Variants in ZNF334 observed in about 807,000 individuals in gnomAD.
The protein encoded by ZNF334 is zinc finger protein 334.
A neutral mutation model predicts 12.4 loss-of-function variants in ZNF334; 14 were observed. That is an observed-to-expected ratio of 1.13 (90% CI 0.74 to 1.76). ZNF334 has a LOEUF of 1.76. Among genes scored for constraint, ZNF334 ranks in the 40% most tolerant of loss-of-function variants. The pLI is 0.00. For synonymous variants in ZNF334, 273 were observed against 269.6 expected, an observed-to-expected ratio of 1.01 and a Z score of -0.12; for missense variants, 797 against 804.5, an observed-to-expected ratio of 0.99 and a Z score of 0.11.
At chr20:46,480,220 G>T in the ZNF334 span, among the ~76,000 whole-genome samples, 1 of 152,068 alleles carries the variant, frequency 6.6e-6, no homozygotes, top group Admixed American at 6.5e-5. Context: ...TCACACATTT[G>T]CCAAGTAAGG....
At chr20:46,505,582 G>C (rs1018212190) in intron 2 of ZNF334, 1 of 153,772 alleles carries the variant, frequency 6.5e-6, no homozygotes, top group Non-Finnish European at 1.5e-5. Context: ...AAGGACTGGA[G>C]ATTTGTGACC....
At chr20:46,473,859 C>T in the ZNF334 span, among the ~76,000 whole-genome samples, 3 of 152,128 alleles carry the variant, frequency 2.0e-5, no homozygotes, top group African/African-American at 4.8e-5. Context: ...CTGCACTTGA[C>T]AGGGTAGGGG....
chr20:46,504,199 T>C lies in ZNF334; in HGVS notation c.241+15A>G. ...ATTTCCATTGGTTCCACCTGCTCAG[T>C]TATCATTTACTTACCTGGGTAGTTC... On this transcript the variant is annotated intron_variant, in intron 4 of 4. Coordinates refer to ENST00000692313, the MANE Select transcript of ZNF334 (RefSeq NM_001353824.2). 6.3e-7 allele frequency: 1 copy of C among 1,577,360 alleles called. No individual in the cohort carries two copies. The highest frequency in any genetic ancestry group is 8.7e-7 in the Non-Finnish European group (1 of 1,153,384).
chr20:46,487,255 A>G, the ZNF334 span, among the ~76,000 whole-genome samples: 2 of 152,194 alleles, frequency 1.3e-5, no homozygotes, highest in East Asian at 3.9e-4. Context: ...TAATCTGTCT[A>G]TATTTGTATA....
chr20:46,495,362 G>T (rs1568841176), downstream of ZNF334, among the ~76,000 whole-genome samples: 3 of 150,828 alleles, frequency 2.0e-5, no homozygotes, highest in Admixed American at 2.0e-4. Context: ...TACTAGATTA[G>T]GGTGGGTCCT....
chr20:46,507,205 G>A (rs2061463747), intron 2 of ZNF334, among the ~76,000 whole-genome samples: 1 of 151,474 alleles, frequency 6.6e-6, no homozygotes, highest in Non-Finnish European at 1.5e-5. Context: ...TGAAGGGAGG[G>A]AGGAAAGACA....
the ZNF334 span, among the ~76,000 whole-genome samples, chr20:46,477,818 T>C: frequency 6.6e-6 from 1 of 152,194 alleles, no homozygotes; most frequent in South Asian, 2.1e-4. Flanking sequence ...AATGAGATCA[T>C]GAATATGGAC....
chr20:46,502,657 T>A lies in ZNF334; in HGVS notation c.682A>T (p.Lys228Ter), dbSNP rs1180716804. 1 of 1,612,700 alleles carries A rather than the reference T, an allele frequency of 6.2e-7. No individual in the cohort carries two copies. Among genetic ancestry groups the A allele is most frequent in the African/African-American group, 1.3e-5 (1 of 75,050 alleles). Residue 228 changes from lysine to a stop codon, truncating the protein, a stop_gained, in exon 5 of 5, where the codon AAG becomes TAG. Transcript: ENST00000692313. LOFTEE classifies it low-confidence loss of function (END_TRUNC). ...FFKRAILITQ[K>*]GRQTERKPNE... ...GGTTTCCTTTCAGTCTGTCTCCCCT[T>A]TTGTGTAATGAGAATTGCCCTCTTG... is the stretch of plus-strand genomic sequence containing the variant.
downstream of ZNF334, among the ~76,000 whole-genome samples, chr20:46,494,718 A>C (rs1217107333): frequency 1.3e-5 from 2 of 152,212 alleles, no homozygotes; most frequent in Non-Finnish European, 2.9e-5. Context: ...ATACACGAAG[A>C]CTTTCCAACA....
downstream of ZNF334, among the ~76,000 whole-genome samples, chr20:46,495,959 G>A (rs940955406): frequency 5.3e-5 from 8 of 152,122 alleles, no homozygotes; most frequent in African/African-American, 1.9e-4. Context: ...GATACCCCTG[G>A]GAAGGTCTGG....
At chr20:46,476,809 A>C in the ZNF334 span, among the ~76,000 whole-genome samples, 2 of 126,460 alleles carry the variant, frequency 1.6e-5, no homozygotes, top group Non-Finnish European at 3.5e-5. Flanking sequence ...CCTTTCCATA[A>C]GTTATAATGA....
At chr20:46,487,501 G>C in the ZNF334 span, among the ~76,000 whole-genome samples, 22 of 152,250 alleles carry the variant, frequency 1.4e-4, 1 homozygote, top group African/African-American at 4.6e-4. Flanking sequence ...TGGTTTTCTA[G>C]TTATCCATCA....
Position 46,502,332 on chromosome 20 carries a change from A to G in ZNF334, c.1007T>C (p.Leu336Pro). The G allele has an allele frequency of 6.2e-7, 1 of 1,614,122 alleles. No homozygotes were observed. Among genetic ancestry groups the G allele is most frequent in the Non-Finnish European group, 8.5e-7 (1 of 1,179,998 alleles). The change falls in exon 5 of 5, where the codon CTG becomes CCG. Residue 336 changes from leucine to proline, a missense_variant. Leu to Pro is a moderately conservative substitution (Grantham distance 98). Transcript: ENST00000692313. The stretch of plus-strand genomic sequence containing the variant: ...TGTGTGTGACCTGAAATGTTCAGCC[A>G]GGGCTGACTTCCGAAAAAAGGTCTT... Reference protein sequence around the residue: ...CGKTFFRKSALAEHFRSHTGE... With the variant: ...CGKTFFRKSAPAEHFRSHTGE...
rs771186914 is a variant in ZNF334 at position 46,501,821 on chromosome 20, C to T, written c.1518G>A (p.Gln506=). 6.2e-7 allele frequency: 1 copy of T among 1,613,952 alleles called. No homozygotes were observed. The highest frequency in any genetic ancestry group is 8.5e-7 in the Non-Finnish European group (1 of 1,179,980). ...RISIVKSNCS[Q]CKRMNTKENL... is the part of the protein sequence containing the mutation. Reference sequence around the variant, plus strand: ...TCTCCTTTGTGTTCATTCTCTTACACTGACTGCAGTTTGACTTCACAATGG... The same window carrying T: ...TCTCCTTTGTGTTCATTCTCTTACATTGACTGCAGTTTGACTTCACAATGG... The change falls in exon 5 of 5, where the codon CAG becomes CAA. Residue 506 remains glutamine, a synonymous_variant. Coordinates refer to ENST00000692313, the MANE Select transcript of ZNF334 (RefSeq NM_001353824.2).
At chr20:46,480,087 C>G in the ZNF334 span, among the ~76,000 whole-genome samples, 1 of 152,196 alleles carries the variant, frequency 6.6e-6, no homozygotes, top group South Asian at 2.1e-4. Context: ...AATCTGACCT[C>G]CTTGGGCACC....
chr20:46,502,672 T>C lies in ZNF334; in HGVS notation c.667A>G (p.Ile223Val). The C allele has an allele frequency of 6.2e-7, 1 of 1,612,704 alleles. No individual in the cohort carries two copies. The highest frequency in any genetic ancestry group is 8.5e-7 in the Non-Finnish European group (1 of 1,179,972). Residue 223 changes from isoleucine (I) to valine (V), a missense_variant, in exon 5 of 5, where the codon ATT becomes GTT. Ile to Val is a conservative substitution (Grantham distance 29). Coordinates refer to ENST00000692313, the MANE Select transcript of ZNF334 (RefSeq NM_001353824.2). ...KCGKTFFKRAILITQKGRQTE... is the reference protein window; with the variant it reads ...KCGKTFFKRAVLITQKGRQTE... ...TGTCTCCCCTTTTGTGTAATGAGAA[T>C]TGCCCTCTTGAAGAAGGTTTTCCCA...
the ZNF334 span, chr20:46,464,763 A>C: frequency 3.9e-6 from 2 of 514,816 alleles, no homozygotes; most frequent in South Asian, 3.1e-5. Context: ...TGTACGCTGC[A>C]GTAGAGTTGC....
chr20:46,480,259 G>A, the ZNF334 span, among the ~76,000 whole-genome samples: 2 of 152,142 alleles, frequency 1.3e-5, no homozygotes, highest in Non-Finnish European at 2.9e-5. Context: ...TGGGGGTTAG[G>A]ATGTGGACAT....
chr20:46,470,639 C>T, the ZNF334 span, among the ~76,000 whole-genome samples: 1 of 152,122 alleles, frequency 6.6e-6, no homozygotes, highest in Non-Finnish European at 1.5e-5. Context: ...CTTTAACCAC[C>T]CAAGCATGCA....
Sources: gnomAD v4.1 joint callset for allele counts (sites outside exome capture counted in the v4.1 genomes callset) on GRCh38, gnomAD v4.1.1 for gene constraint, MANE v1.5 for transcripts, NCBI Gene and HGNC (gene_info 2026-07-23, HGNC 2026-07-21) for gene names.